The following CLDN10 variants were observed in gnomAD, a reference collection of about 807,000 sequenced individuals.
The protein encoded by CLDN10 is claudin-10.
CLDN10 carries 15 observed loss-of-function variants against 22.9 expected under a neutral mutation model. The observed-to-expected ratio is 0.65, with a 90% CI of 0.44 to 1.01. The LOEUF (loss-of-function observed/expected upper bound fraction) is 1.01. Among genes scored for constraint, CLDN10 ranks in the 50% least tolerant of loss-of-function variants. The probability of loss-of-function intolerance (pLI) is 0.00; values close to 1 mark genes in which losing one functional copy is unlikely to be tolerated. For missense variants in CLDN10, 247 were observed against 287.8 expected, an observed-to-expected ratio of 0.86 and a Z score of 1.03; for synonymous variants, 114 against 111.4, an observed-to-expected ratio of 1.02 and a Z score of -0.15.
intron 1 of CLDN10, among the ~76,000 whole-genome samples, chr13:95,542,144 C>G (rs747499462): frequency 6.6e-6 from 1 of 152,208 alleles, no homozygotes; most frequent in African/African-American, 2.4e-5. Context: ...CCAGATCTCA[C>G]GAGAACTCAT....
intron 1 of CLDN10, among the ~76,000 whole-genome samples, chr13:95,464,603 T>C (rs886203285): frequency 2.0e-5 from 3 of 152,208 alleles, no homozygotes; most frequent in Admixed American, 6.5e-5. Flanking sequence ...TGATATTCCT[T>C]TGGTGTATAC....
Position 95,491,705 on chromosome 13 carries a change from G to A in CLDN10, c.214+57658G>A, listed in dbSNP as rs1219123683. ...TTCTTGGTTTGGATCCATTGCTGGT[G>A]AACTAGTGTGATTTTTTGGGGATAC... On this transcript the variant is annotated intron_variant, in intron 1 of 4. Coordinates refer to the CLDN10 transcript ENST00000376873. Among the ~76,000 whole-genome samples, 4 of 151,998 alleles carry A rather than the reference G, an allele frequency of 2.6e-5. No individual in the cohort carries two copies. In the East Asian group the frequency reaches 7.7e-4, roughly 29 times the overall value.
chr13:95,549,854 T>C (rs2043545994), upstream of CLDN10, among the ~76,000 whole-genome samples: 1 of 152,350 alleles, frequency 6.6e-6, no homozygotes, highest in East Asian at 1.9e-4. Flanking sequence ...GGATTGTTTG[T>C]GGTGTTTCCC....
chr13:95,550,297 G>T (rs560427395), upstream of CLDN10, among the ~76,000 whole-genome samples: 1 of 152,286 alleles, frequency 6.6e-6, no homozygotes, highest in South Asian at 2.1e-4. Flanking sequence ...ATTCTTCAAA[G>T]TTCTTTCTTT....
At chr13:95,499,464 C>T (rs1296569827) in intron 1 of CLDN10, among the ~76,000 whole-genome samples, 1 of 152,186 alleles carries the variant, frequency 6.6e-6, no homozygotes, top group Non-Finnish European at 1.5e-5. Flanking sequence ...ATCACTTGAA[C>T]CCGGGAGGCA....
At chr13:95,515,717 G>C (rs1006978889) in intron 1 of CLDN10, among the ~76,000 whole-genome samples, 4 of 152,156 alleles carry the variant, frequency 2.6e-5, no homozygotes, top group African/African-American at 9.7e-5. Flanking sequence ...CATAGTTCCA[G>C]CTTGGTTTGC....
intron 1 of CLDN10, among the ~76,000 whole-genome samples, chr13:95,464,170 G>A (rs1238619667): frequency 6.6e-6 from 1 of 151,792 alleles, no homozygotes; most frequent in Non-Finnish European, 1.5e-5. Flanking sequence ...TGTTACATAT[G>A]TATACATGTG....
At chr13:95,539,980 C>A (rs1336334928) in intron 1 of CLDN10, among the ~76,000 whole-genome samples, 1 of 149,222 alleles carries the variant, frequency 6.7e-6, no homozygotes, top group African/African-American at 2.5e-5. Flanking sequence ...CATGGTGAAG[C>A]CCCTTCTCTG....
intron 1 of CLDN10, among the ~76,000 whole-genome samples, chr13:95,436,054 G>A (rs1053612049): frequency 6.6e-6 from 1 of 151,906 alleles, no homozygotes; most frequent in African/African-American, 2.4e-5. Flanking sequence ...TTCAACTTTA[G>A]CTTCAAAGTG....
chr13:95,480,301 C>T (rs1191910567), intron 1 of CLDN10, among the ~76,000 whole-genome samples: 1 of 152,116 alleles, frequency 6.6e-6, no homozygotes, highest in African/African-American at 2.4e-5. Flanking sequence ...CCATATCTCT[C>T]TTCTTTCCAG....
chr13:95,451,975 T>G (rs2042435934), intron 1 of CLDN10, among the ~76,000 whole-genome samples: 1 of 152,200 alleles, frequency 6.6e-6, no homozygotes, highest in African/African-American at 2.4e-5. Flanking sequence ...AGAGAAAGTA[T>G]TTAATACACA....
At chr13:95,450,902 C>A (rs1214228376) in intron 1 of CLDN10, among the ~76,000 whole-genome samples, 1 of 152,226 alleles carries the variant, frequency 6.6e-6, no homozygotes, top group Non-Finnish European at 1.5e-5. Context: ...AGTTCCTGGG[C>A]TCTGTTCAGC....
intron 1 of CLDN10, among the ~76,000 whole-genome samples, chr13:95,555,804 CTGTT>C (rs1258905781): frequency 6.6e-6 from 1 of 152,210 alleles, no homozygotes; most frequent in African/African-American, 2.4e-5. Flanking sequence ...TAGGGGCCCT[CTGTT>C]TGTCCTCTAC....
intron 1 of CLDN10, among the ~76,000 whole-genome samples, chr13:95,515,752 G>C (rs932397995): frequency 6.6e-5 from 10 of 152,280 alleles, no homozygotes; most frequent in Admixed American, 6.5e-4. Flanking sequence ...TAGAACGCGA[G>C]CCCAGAGGAA....
At chr13:95,494,840 G>C (rs555587378) in intron 1 of CLDN10, among the ~76,000 whole-genome samples, 2 of 151,978 alleles carry the variant, frequency 1.3e-5, no homozygotes, top group African/African-American at 2.4e-5. Context: ...AAACCTCATC[G>C]TAAGATCACA....
chr13:95,500,740 C>A (rs146005836), intron 1 of CLDN10, among the ~76,000 whole-genome samples: 7 of 152,116 alleles, frequency 4.6e-5, no homozygotes, highest in African/African-American at 1.7e-4. Context: ...TTTGAGACAC[C>A]AATAAGAAGC....
chr13:95,531,345 T>C (rs1011035824), intron 1 of CLDN10, among the ~76,000 whole-genome samples: 25 of 152,318 alleles, frequency 1.6e-4, no homozygotes, highest in African/African-American at 6.0e-4. Flanking sequence ...ATGCATTTGA[T>C]TAGCAATATG....
intron 1 of CLDN10, among the ~76,000 whole-genome samples, chr13:95,437,314 T>C (rs1566644461): frequency 6.6e-6 from 1 of 152,240 alleles, no homozygotes; most frequent in African/African-American, 2.4e-5. Flanking sequence ...TCAATTCTTA[T>C]TGGAGCCTGA....
intron 1 of CLDN10, among the ~76,000 whole-genome samples, chr13:95,524,871 T>TTTTTTTA (rs1566316866): frequency 6.6e-6 from 1 of 151,026 alleles, no homozygotes; most frequent in Non-Finnish European, 1.5e-5. Context: ...TTTTATTTTT[T>TTTTTTTA]TTTTTGAGAC....
Sources: allele counts gnomAD v4.1 joint callset (sites outside exome capture counted in the v4.1 genomes callset), GRCh38; gene constraint gnomAD v4.1.1; transcripts MANE v1.5; gene names NCBI Gene and HGNC (gene_info 2026-07-23, HGNC 2026-07-21).